MYRFL: variants seen among roughly 807,000 people sequenced by gnomAD.
The protein encoded by MYRFL is myelin regulatory factor like.
A neutral mutation model predicts 109.4 loss-of-function variants in MYRFL; 88 were observed. That is an observed-to-expected ratio of 0.80 (90% CI 0.68 to 0.96). MYRFL has a LOEUF of 0.96. MYRFL is among the 40% of genes least tolerant of loss of function. The pLI, the probability that MYRFL is intolerant of heterozygous loss-of-function variation, is 0.00. For synonymous variants in MYRFL, 324 were observed against 320.9 expected (o/e 1.01, Z -0.10); for missense variants, 957 against 954.9 (o/e 1.00, Z -0.03).
chr12:69,828,318 T>A (rs950103819), intron 1 of MYRFL, among the ~76,000 whole-genome samples: 12 of 152,116 alleles, frequency 7.9e-5, no homozygotes, highest in African/African-American at 2.9e-4. Flanking sequence ...TCTTGGGGGA[T>A]CAATAGTTTC....
At chr12:69,826,116 G>A (rs959843718) in intron 1 of MYRFL, among the ~76,000 whole-genome samples, 5 of 152,162 alleles carry the variant, frequency 3.3e-5, no homozygotes, top group Admixed American at 6.6e-5. Flanking sequence ...GGGCTGAATA[G>A]TAAACAATGC....
chr12:69,862,662 G>T (rs953581430), intron 2 of MYRFL, among the ~76,000 whole-genome samples: 3 of 151,590 alleles, frequency 2.0e-5, no homozygotes, highest in African/African-American at 7.3e-5. Flanking sequence ...GAGACAATGG[G>T]GTTTTCTAGA....
chr12:69,952,783 T>C lies in MYRFL; in HGVS notation c.2288-16T>C. On this transcript the variant is annotated splice_polypyrimidine_tract_variant and intron_variant, in intron 20 of 24. Coordinates refer to ENST00000552032, the MANE Select transcript of MYRFL (RefSeq NM_182530.3). ...CAGAAGAGTTTATTTACTTTGTCTA[T>C]TTCTTCTCAATTCAGGGATTGATAC... 2 of 1,488,948 alleles carry C rather than the reference T, an allele frequency of 1.3e-6. No individual in the cohort carries two copies. Among genetic ancestry groups the C allele is most frequent in the Non-Finnish European group, 1.8e-6 (2 of 1,109,926 alleles). The allele number at this position is 1,488,948 out of a possible 1,614,324, so 92.2% of individuals were successfully genotyped here.
intron 1 of MYRFL, among the ~76,000 whole-genome samples, chr12:69,854,128 C>G (rs1286633962): frequency 1.3e-5 from 2 of 152,196 alleles, no homozygotes; most frequent in Admixed American, 6.5e-5. Flanking sequence ...GCAGATCACT[C>G]GCGGTCAGGA....
rs781422229 is a variant in MYRFL, at chr12:69,897,125, C to G, written c.1092-31C>G. On this transcript the variant is annotated intron_variant, in intron 9 of 24. Coordinates refer to ENST00000552032, the MANE Select transcript of MYRFL (RefSeq NM_182530.3). Reference sequence around the variant, plus strand: ...ACAAATTGTGTCTCCATTCCTGATGCATTGGCATTGGTCTGCTGTCTCTGA... The same window carrying G: ...ACAAATTGTGTCTCCATTCCTGATGGATTGGCATTGGTCTGCTGTCTCTGA... 69 of 1,399,388 alleles carry G rather than the reference C, an allele frequency of 4.9e-5. No individual in the cohort carries two copies. In the Middle Eastern group the frequency reaches 6.9e-4, roughly 14 times the overall value. 86.7% of individuals were successfully genotyped at this position (1,399,388 alleles called of 1,614,324 possible). A position where few individuals can be genotyped will look rare whatever the true frequency, so the allele number is the denominator to read the frequency against.
chr12:69,888,677 C>T (rs1038995895), intron 6 of MYRFL, among the ~76,000 whole-genome samples: 18 of 152,136 alleles, frequency 1.2e-4, no homozygotes, highest in African/African-American at 3.1e-4. Flanking sequence ...TTCAGCCTAA[C>T]GCTCATATCT....
chr12:69,831,307 C>T (rs143126198), intron 1 of MYRFL, among the ~76,000 whole-genome samples: 57 of 152,116 alleles, frequency 3.7e-4, no homozygotes, highest in East Asian at 1.4e-3. Flanking sequence ...ATGCTGTGAG[C>T]GAAGAGGTGA....
rs780376968 is a variant in MYRFL at position 69,936,149 on chromosome 12, A to G, written c.1953A>G (p.Leu651=). ...LTIVALYILS[L]KDQDRRVPNL... ...TAGTTGCCCTCTATATACTTAGCTTAAAAGATCAAGACCGACGTGTCCCAA... is the reference window on the plus strand; with the variant it reads ...TAGTTGCCCTCTATATACTTAGCTTGAAAGATCAAGACCGACGTGTCCCAA... The change falls in exon 17 of 25, where the codon TTA becomes TTG. Residue 651 remains leucine (L), a synonymous_variant. Coordinates refer to ENST00000552032, the MANE Select transcript of MYRFL (RefSeq NM_182530.3). The G allele has an allele frequency of 7.3e-6, 11 of 1,506,466 alleles. No homozygotes were observed. Among genetic ancestry groups the G allele is most frequent in the Non-Finnish European group, 8.8e-6 (10 of 1,136,054 alleles). The allele number at this position is 1,506,466 out of a possible 1,614,324, so 93.3% of individuals were successfully genotyped here.
chr12:69,910,953 C>CTTCCTCA, intron 13 of MYRFL, 23 bp downstream of exon 13: 1 of 1,477,638 alleles, frequency 6.8e-7, no homozygotes, highest in Non-Finnish European at 9.1e-7. Flanking sequence ...AAGATATCAG[C>CTTCCTCA]TGCTATAAGC....
At chr12:69,831,471 A>C (rs1385582896) in intron 1 of MYRFL, among the ~76,000 whole-genome samples, 2 of 152,190 alleles carry the variant, frequency 1.3e-5, no homozygotes, top group Non-Finnish European at 2.9e-5. Flanking sequence ...AATCATCCTT[A>C]GGAACATGGG....
chr12:69,939,414 A>G (rs1432581265), intron 19 of MYRFL, among the ~76,000 whole-genome samples: 1 of 152,100 alleles, frequency 6.6e-6, no homozygotes, highest in African/African-American at 2.4e-5. Context: ...ACTGGGAGGC[A>G]CCCTCCAGCA....
At chr12:69,860,429 T>C (rs1884575745) in intron 2 of MYRFL, among the ~76,000 whole-genome samples, 1 of 152,222 alleles carries the variant, frequency 6.6e-6, no homozygotes, top group African/African-American at 2.4e-5. Context: ...TTTTGTTATA[T>C]ATCTTTTGCC....
intron 5 of MYRFL, among the ~76,000 whole-genome samples, chr12:69,882,549 A>G (rs1306476006): frequency 6.6e-6 from 1 of 152,198 alleles, no homozygotes. Context: ...GCCTGAGTCA[A>G]TCAATAAAAC....
At chr12:69,881,837 C>T (rs1886135909) in intron 5 of MYRFL, among the ~76,000 whole-genome samples, 1 of 152,198 alleles carries the variant, frequency 6.6e-6, no homozygotes, top group Non-Finnish European at 1.5e-5. Context: ...CCTTCCTATG[C>T]AATGCTACCC....
At chr12:69,889,863 A>G (rs1886690049) in intron 6 of MYRFL, among the ~76,000 whole-genome samples, 1 of 152,160 alleles carries the variant, frequency 6.6e-6, no homozygotes, top group African/African-American at 2.4e-5. Context: ...CTCAAAAAAA[A>G]AAAGTTTAGG....
chr12:69,934,273 CA>C (rs1955375609), intron 16 of MYRFL, among the ~76,000 whole-genome samples: 2 of 152,192 alleles, frequency 1.3e-5, no homozygotes, highest in Non-Finnish European at 2.9e-5. Flanking sequence ...TTTGGTCGGC[CA>C]CTCCAGGTGC....
intron 1 of MYRFL, among the ~76,000 whole-genome samples, chr12:69,826,407 A>G (rs1400976035): frequency 6.6e-6 from 1 of 152,078 alleles, no homozygotes; most frequent in Non-Finnish European, 1.5e-5. Context: ...CTGATTTTAT[A>G]TCATATATAA....
chr12:69,931,275 T>C (rs1460995494), intron 15 of MYRFL, among the ~76,000 whole-genome samples: 3 of 152,168 alleles, frequency 2.0e-5, no homozygotes, highest in Admixed American at 1.3e-4. Flanking sequence ...ATTCAACAAA[T>C]TTCATTGAGT....
At chr12:69,938,852 G>A (rs1400945744) in intron 19 of MYRFL, among the ~76,000 whole-genome samples, 6 of 152,276 alleles carry the variant, frequency 3.9e-5, no homozygotes, top group African/African-American at 7.2e-5. Context: ...TGCGCGAGCC[G>A]AAGCAGGGCG....
Sources: allele counts gnomAD v4.1 joint callset (sites outside exome capture counted in the v4.1 genomes callset), GRCh38; gene constraint gnomAD v4.1.1; transcripts MANE v1.5; gene names NCBI Gene and HGNC (gene_info 2026-07-23, HGNC 2026-07-21).